The following PDE4B variants were observed in gnomAD, a reference collection of about 807,000 sequenced individuals.
PDE4B encodes the protein 3',5'-cyclic-AMP phosphodiesterase 4B.
A neutral mutation model predicts 82.2 loss-of-function variants in PDE4B; 20 were observed. The observed-to-expected ratio is 0.24, with a 90% CI of 0.17 to 0.35. The LOEUF (loss-of-function observed/expected upper bound fraction) is 0.35, where lower values mean the gene tolerates loss of function less well. Among genes scored for constraint, PDE4B ranks in the 10% least tolerant of loss-of-function variants. PDE4B has a pLI of 1.00. For missense variants in PDE4B, 655 were observed against 907.2 expected (o/e 0.72, Z 3.57); for synonymous variants, 320 against 318.9 (o/e 1.00, Z -0.04).
intron 3 of PDE4B, among the ~76,000 whole-genome samples, chr1:66,160,740 C>T (rs760363459): frequency 3.1e-4 from 47 of 152,134 alleles, no homozygotes; most frequent in Non-Finnish European, 3.2e-4. Flanking sequence ...AATCTATGAC[C>T]TCTGAATTTT....
intron 3 of PDE4B, among the ~76,000 whole-genome samples, chr1:65,976,208 G>C (rs11208784): frequency 0.063 from 9,522 of 152,288 alleles, 351 homozygotes; most frequent in Middle Eastern, 0.2. Context: ...CCCTGGATGA[G>C]AGACATGGAG....
chr1:65,819,514 T>G (rs1005584983), intron 1 of PDE4B, among the ~76,000 whole-genome samples: 8 of 151,232 alleles, frequency 5.3e-5, no homozygotes, highest in African/African-American at 1.7e-4. Context: ...GTTTTTTTTT[T>G]TTTTTGAGAC....
chr1:65,834,940 A>C (rs1025050372), intron 1 of PDE4B, among the ~76,000 whole-genome samples: 2 of 152,154 alleles, frequency 1.3e-5, no homozygotes, highest in Non-Finnish European at 2.9e-5. Context: ...TCCCTGGAGA[A>C]CTGCTTGTTA....
chr1:66,312,006 G>A (rs1658707444), intron 7 of PDE4B, among the ~76,000 whole-genome samples: 1 of 152,116 alleles, frequency 6.6e-6, no homozygotes, highest in Non-Finnish European at 1.5e-5. Flanking sequence ...AGAGAAACAC[G>A]GATATAGAGA....
intron 8 of PDE4B, among the ~76,000 whole-genome samples, chr1:66,349,699 T>C (rs1287368338): frequency 6.6e-6 from 1 of 152,178 alleles, no homozygotes; most frequent in African/African-American, 2.4e-5. Flanking sequence ...GTAGAGTTTA[T>C]AGGGAAACAC....
At chr1:65,883,027 T>C (rs1265322544) in intron 1 of PDE4B, among the ~76,000 whole-genome samples, 1 of 152,198 alleles carries the variant, frequency 6.6e-6, no homozygotes, top group Non-Finnish European at 1.5e-5. Flanking sequence ...CATTTGTCCT[T>C]TGTGAGCTTC....
intron 3 of PDE4B, among the ~76,000 whole-genome samples, chr1:66,057,883 A>C (rs1215600881): frequency 6.6e-6 from 1 of 152,160 alleles, no homozygotes; most frequent in African/African-American, 2.4e-5. Flanking sequence ...CCCAAATCTC[A>C]TGTCTTCACA....
intron 3 of PDE4B, among the ~76,000 whole-genome samples, chr1:66,237,917 C>T (rs940890491): frequency 6.6e-6 from 1 of 151,980 alleles, no homozygotes; most frequent in Admixed American, 6.6e-5. Context: ...AACAGATGGC[C>T]CTCGTGGGGC....
intron 7 of PDE4B, chr1:66,331,753 A>G: frequency 1.0e-6 from 1 of 985,448 alleles, no homozygotes; most frequent in Non-Finnish European, 1.2e-6. Flanking sequence ...AGCTTTGTTT[A>G]GTATAACAAG....
intron 1 of PDE4B, among the ~76,000 whole-genome samples, chr1:65,839,903 TC>T (rs1646187283): frequency 6.6e-6 from 1 of 152,200 alleles, no homozygotes; most frequent in Admixed American, 6.5e-5. Context: ...GTAAAAGTGT[TC>T]CTATTTCTCC....
At chr1:66,182,408 A>C (rs566762042) in intron 3 of PDE4B, among the ~76,000 whole-genome samples, 1 of 152,224 alleles carries the variant, frequency 6.6e-6, no homozygotes, top group African/African-American at 2.4e-5. Context: ...TTAAAGAGAC[A>C]TTAAAGAAAA....
intron 3 of PDE4B, among the ~76,000 whole-genome samples, chr1:65,938,604 G>C (rs995717062): frequency 6.6e-6 from 1 of 152,164 alleles, no homozygotes; most frequent in Non-Finnish European, 1.5e-5. Context: ...TGGTAGAAAA[G>C]GCAGACATGT....
At chr1:65,953,755 A>C (rs1414759148) in intron 3 of PDE4B, among the ~76,000 whole-genome samples, 3 of 152,142 alleles carry the variant, frequency 2.0e-5, no homozygotes, top group Non-Finnish European at 4.4e-5. Flanking sequence ...AAATGTGTAC[A>C]TATGTTTTTA....
chr1:65,873,083 C>T (rs181320812), intron 1 of PDE4B, among the ~76,000 whole-genome samples: 18 of 152,206 alleles, frequency 1.2e-4, no homozygotes, highest in Admixed American at 6.5e-4. Flanking sequence ...ATATTCCACA[C>T]GGGGAGGTAA....
chr1:66,189,970 T>G (rs1647609962), intron 3 of PDE4B, among the ~76,000 whole-genome samples: 1 of 152,192 alleles, frequency 6.6e-6, no homozygotes, highest in African/African-American at 2.4e-5. Flanking sequence ...TGGTTTTATC[T>G]ACCTTTGGTC....
intron 3 of PDE4B, among the ~76,000 whole-genome samples, chr1:65,970,986 G>GAGGCTAAAGGATAAGAGAGGAA (rs1650100532): frequency 6.6e-6 from 1 of 151,098 alleles, no homozygotes; most frequent in Non-Finnish European, 1.5e-5. Flanking sequence ...TAAGAGAGGA[G>GAGGCTAAAGGATAAGAGAGGAA]AGGCTAAAGA....
intron 3 of PDE4B, among the ~76,000 whole-genome samples, chr1:66,087,785 G>A (rs997755083): frequency 5.4e-5 from 8 of 147,044 alleles, no homozygotes; most frequent in South Asian, 2.1e-4. Flanking sequence ...ACCAAACACC[G>A]CATATTCTCA....
intron 3 of PDE4B, among the ~76,000 whole-genome samples, chr1:65,945,757 C>A (rs1343675667): frequency 6.6e-6 from 1 of 151,976 alleles, no homozygotes; most frequent in African/African-American, 2.4e-5. Flanking sequence ...ATATCTGGCC[C>A]AGTCATCCTT....
chr1:65,909,748 G>A (rs1199041793), intron 1 of PDE4B, among the ~76,000 whole-genome samples: 1 of 152,166 alleles, frequency 6.6e-6, no homozygotes, highest in African/African-American at 2.4e-5. Context: ...ATAAGGGACA[G>A]TAATCTCAGA....
Sources: allele counts gnomAD v4.1 joint callset (sites outside exome capture counted in the v4.1 genomes callset), GRCh38; gene constraint gnomAD v4.1.1; transcripts MANE v1.5; gene names NCBI Gene and HGNC (gene_info 2026-07-23, HGNC 2026-07-21).